FRMD4B: variants seen among roughly 807,000 people sequenced by gnomAD.
The protein encoded by FRMD4B is FERM domain-containing protein 4B.
In FRMD4B, 74 loss-of-function variants were observed where a neutral mutation model predicts 141.5. The ratio of observed to expected loss-of-function variants is 0.52; its 90% CI spans 0.43 to 0.63. The LOEUF is 0.63. Among genes scored for constraint, FRMD4B ranks in the 30% least tolerant of loss-of-function variants. The pLI is 0.00. For missense variants in FRMD4B, 1,366 were observed against 1,253.4 expected, an observed-to-expected ratio of 1.09 and a Z score of -1.36; for synonymous variants, 506 against 467.9, an observed-to-expected ratio of 1.08 and a Z score of -1.05.
At chr3:69,204,339 G>A (rs892563733) in intron 11 of FRMD4B, among the ~76,000 whole-genome samples, 16 of 152,090 alleles carry the variant, frequency 1.1e-4, no homozygotes, top group Admixed American at 3.3e-4. Flanking sequence ...TTCACAATAG[G>A]CCAGGACAGG....
chr3:69,194,715 G>T (rs972914829), intron 16 of FRMD4B, among the ~76,000 whole-genome samples: 4 of 152,136 alleles, frequency 2.6e-5, no homozygotes, highest in African/African-American at 9.7e-5. Flanking sequence ...TTTGACAAAG[G>T]CTATTATTTA....
chr3:69,193,829 T>C lies in FRMD4B; in HGVS notation c.1533A>G (p.Gln511=). 1 of 1,613,590 alleles carries C rather than the reference T, an allele frequency of 6.2e-7. No individual in the cohort carries two copies. The highest frequency in any genetic ancestry group is 8.5e-7 in the Non-Finnish European group (1 of 1,179,580). ...GTTTCTTTGCAGCTTCCACCAGCTTTTGTTGTATTAGAAAATTACTCTCCA... is the reference window on the plus strand; with the variant it reads ...GTTTCTTTGCAGCTTCCACCAGCTTCTGTTGTATTAGAAAATTACTCTCCA... ...QELESNFLIQ[Q]KLVEAAKKLA... is the part of the protein sequence containing the mutation. The change falls in exon 17 of 23, where the codon CAA becomes CAG. Residue 511 remains glutamine, a synonymous_variant. Coordinates refer to ENST00000398540, the MANE Select transcript of FRMD4B (RefSeq NM_015123.3).
chr3:69,291,400 T>C (rs1664083963), intron 4 of FRMD4B, among the ~76,000 whole-genome samples: 1 of 151,914 alleles, frequency 6.6e-6, no homozygotes, highest in Admixed American at 6.6e-5. Flanking sequence ...CCAAAACTTA[T>C]AAAAAAAAGA....
intron 1 of FRMD4B, among the ~76,000 whole-genome samples, chr3:69,440,678 C>T (rs2106861608): frequency 6.6e-6 from 1 of 152,202 alleles, no homozygotes; most frequent in South Asian, 2.1e-4. Flanking sequence ...TGTGGTGATG[C>T]ACCCCTGTAA....
chr3:69,421,752 G>A (rs1575796825), intron 2 of FRMD4B, among the ~76,000 whole-genome samples: 1 of 152,100 alleles, frequency 6.6e-6, no homozygotes, highest in Non-Finnish European at 1.5e-5. Flanking sequence ...CTACCATATT[G>A]GATAACACAG....
At position 69,334,854 on chromosome 3, in the gene FRMD4B, C is replaced by T. The variant is rs189061737; in HGVS notation, c.163-21337G>A. 4.7e-4 allele frequency among the ~76,000 whole-genome samples: 71 copies of T among 152,302 alleles called. 1 individual carries two copies. The highest frequency in any genetic ancestry group is 1.6e-3 in the African/African-American group (65 of 41,578). ...GTGACACAAGCCAGAGAGTCAAGTGCTCCTCTCTCAAAGACTTGCCAGCGA... is the reference window on the plus strand; with the variant it reads ...GTGACACAAGCCAGAGAGTCAAGTGTTCCTCTCTCAAAGACTTGCCAGCGA... On this transcript the variant is annotated intron_variant, in intron 1 of 22. Coordinates refer to ENST00000398540, the MANE Select transcript of FRMD4B (RefSeq NM_015123.3).
chr3:69,335,519 G>A (rs568547582), intron 1 of FRMD4B, among the ~76,000 whole-genome samples: 10 of 151,776 alleles, frequency 6.6e-5, no homozygotes, highest in Admixed American at 1.3e-4. Context: ...TTACAGGCAC[G>A]CACCACCATG....
At chr3:69,303,152 C>A (rs1416268152) in intron 3 of FRMD4B, among the ~76,000 whole-genome samples, 1 of 76,330 alleles carries the variant, frequency 1.3e-5, no homozygotes, top group Admixed American at 1.6e-4. Context: ...TACAATGCAG[C>A]CATAAAATAG....
At chr3:69,467,501 T>C (rs1367319380) in intron 1 of FRMD4B, among the ~76,000 whole-genome samples, 1 of 152,220 alleles carries the variant, frequency 6.6e-6, no homozygotes, top group Non-Finnish European at 1.5e-5. Context: ...CAGTGAAACC[T>C]GTGGTTCCCC....
chr3:69,317,007 C>T (rs959400687), intron 1 of FRMD4B, among the ~76,000 whole-genome samples: 2 of 152,050 alleles, frequency 1.3e-5, no homozygotes, highest in African/African-American at 4.8e-5. Flanking sequence ...CCTGTAATCC[C>T]AGCTACTTGG....
intron 2 of FRMD4B, among the ~76,000 whole-genome samples, chr3:69,406,100 T>C (rs1704644762): frequency 6.6e-6 from 1 of 152,190 alleles, no homozygotes. Flanking sequence ...TAAAACTTTA[T>C]TAAAAAGGCA....
rs1157655761 is a variant in FRMD4B, at chr3:69,540,613, T to TAAA, written c.-129+1590_-129+1592dup. ...GGGCGACAGAGTGAGACTCTGTCTC[T>TAAA]AAAAAAAAAAAAAAAAAAAAAAAAT... On this transcript the variant is annotated intron_variant, in intron 1 of 5. Transcript: ENST00000459638. Among the ~76,000 whole-genome samples, 59 of 13,990 alleles carry TAAA rather than the reference T, an allele frequency of 4.2e-3. 1 individual carries two copies. The highest frequency in any genetic ancestry group is 5.2e-3 in the Non-Finnish European group (49 of 9,374). 9.2% of individuals were successfully genotyped at this position (13,990 alleles called of 152,430 possible). A position where few individuals can be genotyped will look rare whatever the true frequency, so the allele number is the denominator to read the frequency against.
At chr3:69,365,071 T>C (rs992162155) in intron 1 of FRMD4B, among the ~76,000 whole-genome samples, 6 of 152,354 alleles carry the variant, frequency 3.9e-5, no homozygotes, top group African/African-American at 1.4e-4. Context: ...AAGATTTTAG[T>C]GCATAACAGA....
intron 2 of FRMD4B, among the ~76,000 whole-genome samples, chr3:69,414,350 C>T (rs1704812648): frequency 6.6e-6 from 1 of 152,162 alleles, no homozygotes; most frequent in Admixed American, 6.5e-5. Context: ...GGAAAAAAAC[C>T]ACAAAAACAG....
At chr3:69,196,841 C>T (rs768256732) in intron 13 of FRMD4B, 59 bp downstream of exon 13, 12 of 1,354,352 alleles carry the variant, frequency 8.9e-6, no homozygotes, top group Non-Finnish European at 1.2e-5. Flanking sequence ...GAAGGCTTAT[C>T]TTCTGAACAG....
intron 10 of FRMD4B, among the ~76,000 whole-genome samples, chr3:69,217,075 T>C (rs879851425): frequency 2.0e-5 from 3 of 151,920 alleles, no homozygotes; most frequent in Admixed American, 2.0e-4. Context: ...AGAAAAGTGG[T>C]TCCAATTCCT....
intron 1 of FRMD4B, among the ~76,000 whole-genome samples, chr3:69,366,201 A>G (rs1029944704): frequency 1.3e-5 from 2 of 151,350 alleles, no homozygotes; most frequent in Non-Finnish European, 2.9e-5. Flanking sequence ...CGGAGGTTGC[A>G]GTGGGCCGAG....
intron 1 of FRMD4B, among the ~76,000 whole-genome samples, chr3:69,380,220 G>A (rs773202760): frequency 8.5e-5 from 13 of 152,156 alleles, no homozygotes; most frequent in East Asian, 1.9e-4. Flanking sequence ...GTGCTCTACC[G>A]TGTGGAACAC....
At chr3:69,423,217 T>C (rs1352543259) in intron 2 of FRMD4B, among the ~76,000 whole-genome samples, 1 of 152,194 alleles carries the variant, frequency 6.6e-6, no homozygotes, top group African/African-American at 2.4e-5. Context: ...GGCACAATCA[T>C]AGCCCACTGC....
Sources: gnomAD v4.1 joint callset for allele counts (sites outside exome capture counted in the v4.1 genomes callset) on GRCh38, gnomAD v4.1.1 for gene constraint, MANE v1.5 for transcripts, NCBI Gene and HGNC (gene_info 2026-07-23, HGNC 2026-07-21) for gene names.